The following PPP1R21 variants were observed in gnomAD, a reference collection of about 807,000 sequenced individuals.
PPP1R21 encodes the protein protein phosphatase 1 regulatory subunit 21, also known as KLRAQ motif containing 1.
In PPP1R21, 85 loss-of-function variants were observed where a neutral mutation model predicts 112.8. The ratio of observed to expected loss-of-function variants is 0.75; its 90% CI spans 0.63 to 0.90. The LOEUF (loss-of-function observed/expected upper bound fraction) is 0.90. PPP1R21 is among the 40% of genes least tolerant of loss of function. The pLI is 0.00. For missense variants in PPP1R21, 1,199 were observed against 901.5 expected (o/e 1.33, Z -4.23); for synonymous variants, 381 against 322.3 (o/e 1.18, Z -1.95).
At chr2:48,465,792 G>T in intron 9 of PPP1R21, 150 bp downstream of exon 9, 1 of 618,018 alleles carries the variant, frequency 1.6e-6, no homozygotes, top group South Asian at 3.0e-5. Flanking sequence ...AATAAAATAT[G>T]GCAAAAATAG....
At chr2:48,473,146 A>G (rs752226324) in intron 11 of PPP1R21, among the ~76,000 whole-genome samples, 30 of 151,824 alleles carry the variant, frequency 2.0e-4, no homozygotes, top group Non-Finnish European at 3.5e-4. Flanking sequence ...TCCTAATTCT[A>G]TCCTTACAAG....
intron 2 of PPP1R21, among the ~76,000 whole-genome samples, chr2:48,451,413 A>G (rs191050898): frequency 3.9e-5 from 6 of 152,336 alleles, no homozygotes; most frequent in African/African-American, 1.4e-4. Flanking sequence ...GAGGGAGGCT[A>G]TGTCATATTC....
intron 21 of PPP1R21, among the ~76,000 whole-genome samples, chr2:48,512,384 T>C (rs6545044): frequency 0.96 from 145,960 of 151,346 alleles, 70,640 homozygotes; most frequent in Middle Eastern, 1. Flanking sequence ...ATGTGCTTAG[T>C]CCATTTTCAT....
intron 13 of PPP1R21, among the ~76,000 whole-genome samples, chr2:48,484,110 A>G (rs190775020): frequency 6.6e-6 from 1 of 152,318 alleles, no homozygotes; most frequent in Admixed American, 6.5e-5. Flanking sequence ...TCCTTTCAGA[A>G]CACGCATACT....
Position 48,450,992 on chromosome 2 carries a change from C to T in PPP1R21, c.58-16C>T, listed in dbSNP as rs370990077. 324 of 1,610,744 alleles carry T rather than the reference C, an allele frequency of 2.0e-4. 2 individuals carry two copies. The African/African-American group carries it at 3.9e-3, about 19-fold the overall frequency. ...GCTTTATATTAGAAATTGATTATTG[C>T]TTTCTCTGTTTTCAGCTTCGGGCTC... is the stretch of plus-strand genomic sequence containing the variant. On this transcript the variant is annotated splice_polypyrimidine_tract_variant and intron_variant, in intron 1 of 21. Coordinates refer to ENST00000294952, the MANE Select transcript of PPP1R21 (RefSeq NM_001135629.3).
intron 12 of PPP1R21, 126 bp from the exon 13 acceptor site, chr2:48,479,798 T>C (rs1668924738): frequency 1.4e-6 from 1 of 692,500 alleles, no homozygotes; most frequent in Non-Finnish European, 2.6e-6. Flanking sequence ...CTGCCACGAT[T>C]TTAAGAGGCA....
Position 48,505,563 on chromosome 2 carries a change from G to C in PPP1R21, c.1936-1G>C. 6.5e-7 allele frequency: 1 copy of C among 1,549,170 alleles called. No homozygotes were observed. Among genetic ancestry groups the C allele is most frequent in the Non-Finnish European group, 8.7e-7 (1 of 1,144,188 alleles). On this transcript the variant is annotated splice_acceptor_variant, in intron 17 of 21. Transcript: ENST00000294952. LOFTEE classifies it high-confidence loss of function. ...AAAAGATTTTTCCCCTTATGTTCTA[G>C]ATTGGGACTTTAACCAGGACATCTG...
intron 19 of PPP1R21, 65 bp from the exon 20 acceptor site, chr2:48,509,950 T>C (rs1204232904): frequency 9.9e-6 from 12 of 1,216,886 alleles, no homozygotes; most frequent in Non-Finnish European, 1.4e-5. Context: ...TAACAAACTT[T>C]CCCGAAGCAA....
At chr2:48,486,282 A>T (rs1048505983) in intron 13 of PPP1R21, among the ~76,000 whole-genome samples, 4 of 152,112 alleles carry the variant, frequency 2.6e-5, no homozygotes, top group African/African-American at 7.2e-5. Flanking sequence ...TTTCTCCTCA[A>T]TGCCTGTTAC....
chr2:48,451,330 C>T (rs1442952830), intron 2 of PPP1R21, among the ~76,000 whole-genome samples: 1 of 152,234 alleles, frequency 6.6e-6, no homozygotes, highest in Non-Finnish European at 1.5e-5. Context: ...TCCTGTGCCT[C>T]AAGGCCTTTA....
intron 15 of PPP1R21, among the ~76,000 whole-genome samples, chr2:48,495,437 T>C (rs1323978992): frequency 2.0e-5 from 3 of 152,074 alleles, no homozygotes; most frequent in African/African-American, 7.2e-5. Context: ...TTCCTGACCT[T>C]GTGATCCGCT....
At chr2:48,480,118 G>C (rs1325273352) in intron 13 of PPP1R21, 102 bp downstream of exon 13, 4 of 806,594 alleles carry the variant, frequency 5.0e-6, no homozygotes, top group African/African-American at 3.4e-5. Flanking sequence ...ATAGACCCCA[G>C]ATAAAGGCTT....
chr2:48,468,099 C>A (rs1208729827), intron 9 of PPP1R21, among the ~76,000 whole-genome samples: 1 of 152,210 alleles, frequency 6.6e-6, no homozygotes, highest in African/African-American at 2.4e-5. Flanking sequence ...CTGCCACTTT[C>A]TCAGTTATGT....
intron 15 of PPP1R21, among the ~76,000 whole-genome samples, chr2:48,494,946 A>G (rs986863851): frequency 1.3e-5 from 2 of 152,100 alleles, no homozygotes. Context: ...ACCTCAAGCA[A>G]TCCATCACCT....
chr2:48,497,950 C>T (rs1051628783), intron 16 of PPP1R21, among the ~76,000 whole-genome samples: 10 of 151,930 alleles, frequency 6.6e-5, no homozygotes, highest in Non-Finnish European at 1.2e-4. Flanking sequence ...CGTGCCTGGC[C>T]TGCACCAACC....
rs1347574769 is a variant in PPP1R21, at chr2:48,514,045, G to A, written c.2314-670G>A. Among the ~76,000 whole-genome samples the A allele has an allele frequency of 4.6e-5, 6 of 129,912 alleles. No homozygotes were observed. In the East Asian group the frequency reaches 1.4e-3, roughly 29 times the overall value. The allele number at this position is 129,912 out of a possible 152,430, so 85.2% of individuals were successfully genotyped here. ...TATTAAGACCTTTAAAAGAAAAGGT[G>A]TTTATTTAAACAATGACGAGACATG... On this transcript the variant is annotated intron_variant, in intron 21 of 21. Transcript: ENST00000294952.
intron 13 of PPP1R21, among the ~76,000 whole-genome samples, chr2:48,484,526 T>C (rs932564129): frequency 1.1e-4 from 17 of 151,712 alleles, no homozygotes; most frequent in Non-Finnish European, 2.2e-4. Flanking sequence ...TTTTTTTTTT[T>C]TTTTTTTCTG....
At chr2:48,461,612 C>G (rs1232579432) in intron 7 of PPP1R21, among the ~76,000 whole-genome samples, 2 of 151,970 alleles carry the variant, frequency 1.3e-5, no homozygotes, top group Non-Finnish European at 2.9e-5. Flanking sequence ...TATGACTTAC[C>G]CCTTGGTCAA....
chr2:48,504,745 A>G (rs980992627), intron 17 of PPP1R21, among the ~76,000 whole-genome samples: 4 of 152,266 alleles, frequency 2.6e-5, no homozygotes, highest in African/African-American at 9.6e-5. Context: ...GTGCCCAAGC[A>G]CATGCCCCAC....
Sources: allele counts gnomAD v4.1 joint callset (sites outside exome capture counted in the v4.1 genomes callset), GRCh38; gene constraint gnomAD v4.1.1; transcripts MANE v1.5; gene names NCBI Gene and HGNC (gene_info 2026-07-23, HGNC 2026-07-21).